BLTP3B: variants seen among roughly 807,000 people sequenced by gnomAD.
BLTP3B encodes the protein UHRF1 (ICBP90) binding protein 1-like.
chr12:100,109,160 C>CTCTCTCTA, the BLTP3B span, among the ~76,000 whole-genome samples: 1 of 3,212 alleles, frequency 3.1e-4, no homozygotes, highest in South Asian at 9.1e-3. Context: ...GGCAGTTTTC[C>CTCTCTCTA]TCTCTCTCTC....
At chr12:100,060,961 A>G in the BLTP3B span, among the ~76,000 whole-genome samples, 1 of 152,314 alleles carries the variant, frequency 6.6e-6, no homozygotes, top group South Asian at 2.1e-4. Flanking sequence ...TTATTTATTC[A>G]TTCACTTTCC....
chr12:100,134,241 T>C, the BLTP3B span, among the ~76,000 whole-genome samples: 1 of 152,168 alleles, frequency 6.6e-6, no homozygotes, highest in Non-Finnish European at 1.5e-5. Flanking sequence ...ATACTTCCAT[T>C]GTTGTCAGAC....
At chr12:100,051,277 A>G in the BLTP3B span, 4 of 1,519,432 alleles carry the variant, frequency 2.6e-6, no homozygotes, top group Non-Finnish European at 3.6e-6. Context: ...ACATGATCTA[A>G]CACTGTATGC....
At chr12:100,135,065 A>G in the BLTP3B span, among the ~76,000 whole-genome samples, 5 of 152,172 alleles carry the variant, frequency 3.3e-5, no homozygotes, top group Admixed American at 3.3e-4. Flanking sequence ...ATCTCAGAGT[A>G]AAAGTCAAAG....
the BLTP3B span, among the ~76,000 whole-genome samples, chr12:100,091,183 A>AT: frequency 0.073 from 5,913 of 81,236 alleles, 959 homozygotes; most frequent in East Asian, 0.47. Context: ...CGCCTGGCTA[A>AT]TTTTTTTTTT....
At chr12:100,122,258 T>C in the BLTP3B span, among the ~76,000 whole-genome samples, 1 of 152,166 alleles carries the variant, frequency 6.6e-6, no homozygotes, top group Admixed American at 6.5e-5. Flanking sequence ...CTTAAAAAAG[T>C]GGAGCCATAG....
At chr12:100,083,529 A>G in the BLTP3B span, among the ~76,000 whole-genome samples, 1 of 152,192 alleles carries the variant, frequency 6.6e-6, no homozygotes, top group South Asian at 2.1e-4. Flanking sequence ...GACTATAATT[A>G]ATAATTTATT....
chr12:100,102,951 T>G, the BLTP3B span: 1 of 853,848 alleles, frequency 1.2e-6, no homozygotes, highest in African/African-American at 1.8e-5. Context: ...TCATTTTTCT[T>G]TAGGAAGAAA....
the BLTP3B span, among the ~76,000 whole-genome samples, chr12:100,102,518 C>T: frequency 6.6e-6 from 1 of 152,156 alleles, no homozygotes; most frequent in Non-Finnish European, 1.5e-5. Context: ...CTAAATTCTT[C>T]TGCTTCCATT....
At chr12:100,119,834 T>C in the BLTP3B span, among the ~76,000 whole-genome samples, 1 of 152,106 alleles carries the variant, frequency 6.6e-6, no homozygotes, top group African/African-American at 2.4e-5. Flanking sequence ...GAACTACAAC[T>C]TAAAAACTCC....
the BLTP3B span, chr12:100,072,559 A>C: frequency 1.0e-6 from 1 of 958,472 alleles, no homozygotes; most frequent in East Asian, 3.1e-5. Flanking sequence ...CTAATAATAA[A>C]TAAGGAACAA....
At chr12:100,086,217 A>C in the BLTP3B span, 1 of 1,105,458 alleles carries the variant, frequency 9.0e-7, no homozygotes, top group Admixed American at 3.2e-5. Flanking sequence ...AACTAAATAA[A>C]TTAGCTATAT....
chr12:100,072,114 T>A, the BLTP3B span, among the ~76,000 whole-genome samples: 4 of 151,924 alleles, frequency 2.6e-5, no homozygotes, highest in African/African-American at 7.3e-5. Flanking sequence ...ACAGAAAAAT[T>A]AGCTGGGCCT....
chr12:100,060,011 C>CA, the BLTP3B span: 2 of 1,607,058 alleles, frequency 1.2e-6, no homozygotes, highest in Non-Finnish European at 1.7e-6. Flanking sequence ...AACTGTAGTG[C>CA]ATTCAGCTGG....
At chr12:100,061,739 T>C in the BLTP3B span, among the ~76,000 whole-genome samples, 1 of 151,600 alleles carries the variant, frequency 6.6e-6, no homozygotes, top group Non-Finnish European at 1.5e-5. Context: ...ATGTAGTTAA[T>C]AATACTTAAA....
chr12:100,105,838 C>T, the BLTP3B span, among the ~76,000 whole-genome samples: 506 of 151,956 alleles, frequency 3.3e-3, 3 homozygotes, highest in Middle Eastern at 0.024. Flanking sequence ...TCAGAATCTA[C>T]AAGGAACTCA....
chr12:100,107,550 G>A, the BLTP3B span, among the ~76,000 whole-genome samples: 618 of 151,506 alleles, frequency 4.1e-3, 8 homozygotes, highest in African/African-American at 0.014. Flanking sequence ...CAGGGGAATC[G>A]CTTGAACCCG....
the BLTP3B span, among the ~76,000 whole-genome samples, chr12:100,054,527 T>C: frequency 6.6e-5 from 10 of 152,258 alleles, no homozygotes; most frequent in East Asian, 5.8e-4. Context: ...CAGAAGAACA[T>C]TGTTTTTGAA....
At chr12:100,133,193 G>T in the BLTP3B span, among the ~76,000 whole-genome samples, 1 of 151,740 alleles carries the variant, frequency 6.6e-6, no homozygotes, top group African/African-American at 2.4e-5. Flanking sequence ...AGTGAGCCGA[G>T]ATCACACCAC....
Sources: allele counts gnomAD v4.1 joint callset (sites outside exome capture counted in the v4.1 genomes callset), GRCh38; gene constraint gnomAD v4.1.1; transcripts MANE v1.5; gene names NCBI Gene and HGNC (gene_info 2026-07-23, HGNC 2026-07-21).